Variants in ADCY7 observed in about 807,000 individuals in gnomAD.
The protein encoded by ADCY7 is adenylate cyclase 7, also known as adenylate cyclase type 7.
In ADCY7, 72 loss-of-function variants were observed where a neutral mutation model predicts 120.6. The observed-to-expected ratio is 0.60, with a 90% confidence interval of 0.49 to 0.73. The LOEUF (loss-of-function observed/expected upper bound fraction) is 0.73, where lower values mean the gene tolerates loss of function less well. Ranked by LOEUF, ADCY7 falls within the 30% of genes least tolerant of loss-of-function variation. ADCY7 has a pLI of 0.00. For synonymous variants in ADCY7, 661 were observed against 628.0 expected (o/e 1.05, Z -0.78); for missense variants, 1,227 against 1,486.0 (o/e 0.83, Z 2.87).
intron 24 of ADCY7, chr16:50,314,704 G>C (rs567252724): frequency 2.2e-6 from 1 of 450,048 alleles, no homozygotes; most frequent in African/African-American, 2.0e-5. Flanking sequence ...AAATAGTTGC[G>C]GGCCTGCGCT....
rs1357753244 is a variant in ADCY7, at chr16:50,310,786, G to A, written c.2260G>A (p.Ala754Thr). 1.2e-6 allele frequency: 2 copies of A among 1,614,166 alleles called. No homozygotes were observed. The highest frequency in any genetic ancestry group is 1.3e-5 in the African/African-American group (1 of 75,048). The change falls in exon 19 of 26, where the codon GCC becomes ACC. Residue 754 changes from alanine (A) to threonine (T), a missense_variant. Coordinates refer to ENST00000673801, the MANE Select transcript of ADCY7 (RefSeq NM_001114.5). The part of the protein sequence containing the change: ...KVVLLTVALV[A>T]YLVLFNLSPC... The stretch of plus-strand genomic sequence containing the variant: ...TGTGCTGCTGACAGTGGCCCTGGTG[G>A]CCTACCTGGTGCTCTTCAACCTCTC...
chr16:50,298,763 G>C, intron 7 of ADCY7, 141 bp from the exon 8 acceptor site: 1 of 1,206,048 alleles, frequency 8.3e-7, no homozygotes. Context: ...CCCAGAAGTG[G>C]CTCCTGGTGA....
chr16:50,295,584 G>A (rs914549859), intron 7 of ADCY7, among the ~76,000 whole-genome samples: 1 of 152,008 alleles, frequency 6.6e-6, no homozygotes, highest in African/African-American at 2.4e-5. Flanking sequence ...AAAGCCTGGA[G>A]TAGAAAGAAA....
chr16:50,298,865 C>T (rs959519430), intron 7 of ADCY7, 39 bp from the exon 8 acceptor site: 3 of 1,596,396 alleles, frequency 1.9e-6, no homozygotes, highest in Non-Finnish European at 2.6e-6. Context: ...GTCCCAGCCC[C>T]ACATCTTCCA....
chr16:50,272,897 G>C (rs79546478), intron 1 of ADCY7, among the ~76,000 whole-genome samples: 2,501 of 152,256 alleles, frequency 0.016, 72 homozygotes, highest in African/African-American at 0.056. Flanking sequence ...GGGCTAATGG[G>C]AAGTGGCCTC....
chr16:50,298,202 C>T (rs896541426), intron 7 of ADCY7, among the ~76,000 whole-genome samples: 1 of 152,050 alleles, frequency 6.6e-6, no homozygotes, highest in Non-Finnish European at 1.5e-5. Flanking sequence ...ACCTGCTGAT[C>T]CCTTGGTGTG....
intron 4 of ADCY7, 40 bp from the exon 5 acceptor site, chr16:50,292,636 G>A (rs1316018780): frequency 6.2e-7 from 1 of 1,607,580 alleles, no homozygotes; most frequent in Non-Finnish European, 8.5e-7. Context: ...GAGGGCATGG[G>A]CCAGGCCACA....
chr16:50,295,385 G>C (rs1378483880), intron 7 of ADCY7, among the ~76,000 whole-genome samples: 1 of 104,566 alleles, frequency 9.6e-6, no homozygotes, highest in Non-Finnish European at 2.0e-5. Context: ...TGTAGCAATG[G>C]GGTTTCGCCA....
chr16:50,250,715 G>C (rs1242906882), intron 1 of ADCY7, among the ~76,000 whole-genome samples: 2 of 152,148 alleles, frequency 1.3e-5, no homozygotes, highest in African/African-American at 4.8e-5. Flanking sequence ...AATTGGGTAT[G>C]GGCTGTAGAT....
At chr16:50,251,506 C>T (rs1487875544) in intron 1 of ADCY7, among the ~76,000 whole-genome samples, 2 of 152,214 alleles carry the variant, frequency 1.3e-5, no homozygotes, top group East Asian at 1.9e-4. Flanking sequence ...CTCAGGACAC[C>T]GCAGAGGCCA....
At chr16:50,250,998 G>A (rs1329100334) in intron 1 of ADCY7, among the ~76,000 whole-genome samples, 1 of 152,144 alleles carries the variant, frequency 6.6e-6, no homozygotes, top group Non-Finnish European at 1.5e-5. Context: ...ACTTTGGGAG[G>A]CCAAGGTAGG....
chr16:50,309,775 C>T (rs2036330557), intron 18 of ADCY7, 129 bp downstream of exon 18: 2 of 828,578 alleles, frequency 2.4e-6, no homozygotes, highest in Non-Finnish European at 3.7e-6. Context: ...TGAGAACAGC[C>T]TCTCCTGCAG....
At chr16:50,291,403 C>T (rs900805465) in intron 3 of ADCY7, among the ~76,000 whole-genome samples, 9 of 152,042 alleles carry the variant, frequency 5.9e-5, no homozygotes, top group Non-Finnish European at 1.2e-4. Flanking sequence ...GAGAGGGTGC[C>T]TCAGCCTCCC....
intron 8 of ADCY7, among the ~76,000 whole-genome samples, chr16:50,300,223 A>G (rs2151015486): frequency 6.6e-6 from 1 of 152,254 alleles, no homozygotes; most frequent in Middle Eastern, 3.4e-3. Flanking sequence ...GGCGCCTGCT[A>G]CCATGCCCGG....
chr16:50,311,810 C>CA (rs1555525926), intron 20 of ADCY7, 24 bp downstream of exon 20: 4 of 1,343,086 alleles, frequency 3.0e-6, no homozygotes, highest in East Asian at 2.8e-5. Context: ...CCCCCCCCCC[C>CA]CCCCCAAGCT....
At position 50,297,208 on chromosome 16, in the gene ADCY7, C is replaced by T. The variant is rs1189081390; in HGVS notation, c.949-1696C>T. ...GGCAGGGCTGGTCCCAGCCTTTTCTCCTATCAACAATCAGATTCCAGAAGT... is the reference window on the plus strand; with the variant it reads ...GGCAGGGCTGGTCCCAGCCTTTTCTTCTATCAACAATCAGATTCCAGAAGT... On this transcript the variant is annotated intron_variant, in intron 7 of 25. Transcript: ENST00000673801. The surrounding 1 kb of genome is among the most constrained non-coding windows in gnomAD (Gnocchi z 4.4). Among the ~76,000 whole-genome samples the T allele has an allele frequency of 1.3e-5, 2 of 152,236 alleles. No homozygotes were observed. Among genetic ancestry groups the T allele is most frequent in the Non-Finnish European group, 2.9e-5 (2 of 68,042 alleles).
Position 50,301,215 on chromosome 16 carries a change from G to A in ADCY7, c.1368+1G>A. The A allele has an allele frequency of 1.3e-6, 2 of 1,585,950 alleles. No homozygotes were observed. The highest frequency in any genetic ancestry group is 8.6e-7 in the Non-Finnish European group (1 of 1,166,416). The stretch of plus-strand genomic sequence containing the variant: ...CACCTACCTGGTCATCGACCCCCGG[G>A]TACGAGGGCTCAGAGGCCGCAGCTG... On this transcript the variant is annotated splice_donor_variant, in intron 10 of 25. Transcript: ENST00000673801. LOFTEE classifies it high-confidence loss of function.
chr16:50,268,434 T>C (rs1164960982), intron 1 of ADCY7, among the ~76,000 whole-genome samples: 1 of 152,040 alleles, frequency 6.6e-6, no homozygotes, highest in African/African-American at 2.4e-5. Context: ...AGGATCTCAC[T>C]CTGTCACCCA....
chr16:50,251,853 C>T (rs1034638017), intron 1 of ADCY7, among the ~76,000 whole-genome samples: 18 of 152,346 alleles, frequency 1.2e-4, no homozygotes, highest in African/African-American at 3.4e-4. Flanking sequence ...GGGTTCTCCC[C>T]TTCCCCGGCC....
Sources: allele counts gnomAD v4.1 joint callset (sites outside exome capture counted in the v4.1 genomes callset), GRCh38; gene constraint gnomAD v4.1.1; non-coding constraint Gnocchi (gnomAD v3.1); transcripts MANE v1.5; gene names NCBI Gene and HGNC (gene_info 2026-07-23, HGNC 2026-07-21).